Variants in IGFBP3 observed in about 807,000 individuals in gnomAD.
IGFBP3 encodes insulin-like growth factor-binding protein 3.
In IGFBP3, 9 loss-of-function variants were observed where a neutral mutation model predicts 28.6. The observed-to-expected ratio is 0.31, with a 90% CI of 0.19 to 0.55. IGFBP3 has a LOEUF of 0.55. Ranked by LOEUF, IGFBP3 falls within the 20% of genes least tolerant of loss-of-function variation. The probability of loss-of-function intolerance (pLI) is 0.93; values close to 1 mark genes in which losing one functional copy is unlikely to be tolerated. For synonymous variants in IGFBP3, 185 were observed against 188.2 expected (o/e 0.98, Z 0.14); for missense variants, 382 against 428.9 (o/e 0.89, Z 0.97).
At position 45,920,972 on chromosome 7, in the gene IGFBP3, C is replaced by T. The variant is rs1193935205; in HGVS notation, c.169G>A (p.Val57Met). The T allele has an allele frequency of 3.0e-6, 4 of 1,350,654 alleles. No individual in the cohort carries two copies. Among genetic ancestry groups the T allele is most frequent in the Admixed American group, 3.9e-5 (1 of 25,952 alleles). The allele number at this position is 1,350,654 out of a possible 1,614,324, so 83.7% of individuals were successfully genotyped here. Residue 57 changes from valine to methionine, a missense_variant, in exon 1 of 5, where the codon GTG becomes ATG. Transcript: ENST00000613132. ...ALAQCAPPPA[V>M]CAELVREPGC... The stretch of plus-strand genomic sequence containing the variant: ...GGCTCGCGCACCAGCTCCGCGCACA[C>T]GGCGGGCGGAGGCGCGCACTGGGCC...
At chr7:45,919,918 T>TCC (rs68045546) in intron 1 of IGFBP3, 4,744 of 145,452 alleles carry the variant, frequency 0.033, 105 homozygotes, top group African/African-American at 0.059. Context: ...AACATCTCAT[T>TCC]CCCCCCCCCA....
intron 1 of IGFBP3, among the ~76,000 whole-genome samples, chr7:45,918,760 C>T (rs1784646171): frequency 1.3e-5 from 2 of 152,204 alleles, no homozygotes; most frequent in Non-Finnish European, 2.9e-5. Flanking sequence ...GCAGGTCACT[C>T]ACCAGGGCCT....
intron 4 of IGFBP3, 125 bp downstream of exon 4, chr7:45,914,679 TG>T: frequency 1.1e-6 from 1 of 871,230 alleles, no homozygotes; most frequent in Non-Finnish European, 1.8e-6. Context: ...TTGCTCTTTC[TG>T]GCCCTGAGCT....
rs2116569789 is a variant in IGFBP3, at chr7:45,912,538, CA to C, written c.*1311del. On this transcript the variant is annotated 3_prime_UTR_variant, in exon 5 of 5. Transcript: ENST00000613132. ...CGTGTGTCCACACCGAGGTCTGCAG[CA>C]GGGCAGAGTCTCCCTGAGCCTGACT... is the stretch of plus-strand genomic sequence containing the variant. The C allele has an allele frequency of 6.6e-6, 1 of 152,582 alleles. No individual in the cohort carries two copies. The highest frequency in any genetic ancestry group is 2.1e-4 in the South Asian group (1 of 4,824). 9.5% of individuals were successfully genotyped at this position (152,582 alleles called of 1,614,324 possible).
rs1406526458 is a variant in IGFBP3, at chr7:45,920,745, T to C, written c.396A>G (p.Pro132=). ...RLRAYLLPAP[P]APGNASESEE... is the part of the protein sequence containing the mutation. ...CTGGCGCGGGCGGCTCACCTGGAGC[T>C]GGCGGCGCTGGCAGCAGGTAGGCGC... The change falls in exon 1 of 5, where the codon CCA becomes CCG. Residue 132 remains proline (P), a synonymous_variant. Transcript: ENST00000613132. 5.7e-6 allele frequency: 8 copies of C among 1,413,834 alleles called. No homozygotes were observed. Among genetic ancestry groups the C allele is most frequent in the Non-Finnish European group, 7.3e-6 (8 of 1,092,320 alleles). The allele number at this position is 1,413,834 out of a possible 1,614,324, so 87.6% of individuals were successfully genotyped here. A position where few individuals can be genotyped will look rare whatever the true frequency, so the allele number is the denominator to read the frequency against.
intron 1 of IGFBP3, among the ~76,000 whole-genome samples, chr7:45,918,526 C>T (rs1324565493): frequency 6.6e-6 from 1 of 152,174 alleles, no homozygotes; most frequent in East Asian, 1.9e-4. Context: ...CATTCAGAGC[C>T]CATGCTCCCA....
chr7:45,920,157 C>A (rs1040324595), intron 1 of IGFBP3: 1 of 152,222 alleles, frequency 6.6e-6, no homozygotes, highest in African/African-American at 2.4e-5. Flanking sequence ...TAAGAAGTTA[C>A]TTCTTTTTCA....
At position 45,921,003 on chromosome 7, in the gene IGFBP3, A is replaced by C. The variant is rs997305847; in HGVS notation, c.138T>G (p.Arg46=). Residue 46 remains arginine, a synonymous_variant, in exon 1 of 5, where the codon CGT becomes CGG. Coordinates refer to ENST00000613132, the MANE Select transcript of IGFBP3 (RefSeq NM_000598.5). ...PVVRCEPCDA[R]ALAQCAPPPA... ...GCGGAGGCGCGCACTGGGCCAGTGC[A>C]CGCGCGTCGCACGGCTCGCAGCGCA... The C allele has an allele frequency of 3.6e-6, 5 of 1,387,752 alleles. No individual in the cohort carries two copies. The highest frequency in any genetic ancestry group is 3.7e-6 in the Non-Finnish European group (4 of 1,079,990). The allele number at this position is 1,387,752 out of a possible 1,614,324, so 86.0% of individuals were successfully genotyped here.
rs1327124344 is a variant in IGFBP3, at chr7:45,921,196, A to AAG, written c.-57_-56insCT. The AAG allele has an allele frequency of 2.0e-6, 3 of 1,488,646 alleles. No homozygotes were observed. The African/African-American group carries it at 4.4e-5, about 22-fold the overall frequency. The allele number at this position is 1,488,646 out of a possible 1,614,324, so 92.2% of individuals were successfully genotyped here. A position where few individuals can be genotyped will look rare whatever the true frequency, so the allele number is the denominator to read the frequency against. On this transcript the variant is annotated 5_prime_UTR_variant, in exon 1 of 5. Transcript: ENST00000613132. ...AGGCTGGGCGCGCAGGGATGGGGCG[A>AAG]CAGTACACGGCGCGAAGCTGTGGAA...
intron 1 of IGFBP3, 31 bp downstream of exon 1, chr7:45,920,707 G>T (rs1187083967): frequency 7.3e-7 from 1 of 1,364,450 alleles, no homozygotes; most frequent in Admixed American, 4.0e-5. Context: ...GCCGGGTGCT[G>T]CACGCAGCGC....
At chr7:45,919,007 G>A (rs1196521687) in intron 1 of IGFBP3, among the ~76,000 whole-genome samples, 1 of 152,194 alleles carries the variant, frequency 6.6e-6, no homozygotes, top group Non-Finnish European at 1.5e-5. Flanking sequence ...TACTAAGAAT[G>A]TAAATACTCT....
At position 45,920,901 on chromosome 7, in the gene IGFBP3, C is replaced by T. The variant is rs1173284672; in HGVS notation, c.240G>A (p.Pro80=). ...CLTCALSEGQ[P]CGIYTERCGS... ...CACAGCGCTCGGTGTAGATGCCGCA[C>T]GGCTGGCCCTCGCTCAGTGCGCACG... is the stretch of plus-strand genomic sequence containing the variant. Residue 80 remains proline, a synonymous_variant, in exon 1 of 5, where the codon CCG becomes CCA. Coordinates refer to ENST00000613132, the MANE Select transcript of IGFBP3 (RefSeq NM_000598.5). The T allele has an allele frequency of 7.0e-7, 1 of 1,435,818 alleles. No individual in the cohort carries two copies. Among genetic ancestry groups the T allele is most frequent in the East Asian group, 3.1e-5 (1 of 32,434 alleles). 88.9% of individuals were successfully genotyped at this position (1,435,818 alleles called of 1,614,324 possible).
chr7:45,917,551 A>G, intron 1 of IGFBP3, 112 bp from the exon 2 acceptor site: 1 of 802,694 alleles, frequency 1.2e-6, no homozygotes, highest in South Asian at 1.9e-5. Flanking sequence ...ATTAGTTGGC[A>G]ATCCAAGTGA....
chr7:45,915,107 C>T (rs1038977529), intron 3 of IGFBP3, 162 bp from the exon 4 acceptor site: 40 of 730,114 alleles, frequency 5.5e-5, no homozygotes, highest in African/African-American at 1.9e-4. Flanking sequence ...TGCCTAGGCC[C>T]GCTGAGTGTG....
At position 45,921,230 on chromosome 7, in the gene IGFBP3, G is replaced by T; in HGVS notation, c.-90C>A. 2 of 1,414,772 alleles carry T rather than the reference G, an allele frequency of 1.4e-6. No individual in the cohort carries two copies. The highest frequency in any genetic ancestry group is 1.9e-6 in the Non-Finnish European group (2 of 1,049,400). 87.6% of individuals were successfully genotyped at this position (1,414,772 alleles called of 1,614,324 possible). A position where few individuals can be genotyped will look rare whatever the true frequency, so the allele number is the denominator to read the frequency against. ...GGCGCGAAGCTGTGGAATCCAGGCAGGAAGCGGCTGATCCTCAGCGCCCAG... is the reference window on the plus strand; with the variant it reads ...GGCGCGAAGCTGTGGAATCCAGGCATGAAGCGGCTGATCCTCAGCGCCCAG... On this transcript the variant is annotated 5_prime_UTR_variant, in exon 1 of 5. In the 5' UTR this introduces an upstream ATG that the reference lacks. Transcript: ENST00000613132.
At chr7:45,914,241 T>C (rs903241314) in intron 4 of IGFBP3, 2 of 152,206 alleles carry the variant, frequency 1.3e-5, no homozygotes, top group African/African-American at 4.8e-5. Flanking sequence ...GTTTAAAATT[T>C]CATTTTTCTA....
At chr7:45,917,179 G>C (rs1361382088) in intron 2 of IGFBP3, 34 bp downstream of exon 2, 1 of 1,539,276 alleles carries the variant, frequency 6.5e-7, no homozygotes, top group Admixed American at 1.7e-5. Flanking sequence ...GGCAGGTCTT[G>C]CCCTCCTCCT....
At chr7:45,914,640 A>G (rs997717741) in intron 4 of IGFBP3, 165 bp downstream of exon 4, 3 of 610,608 alleles carry the variant, frequency 4.9e-6, no homozygotes, top group South Asian at 2.0e-5. Flanking sequence ...CTCTCCCTGC[A>G]CCCTTCTGAG....
At chr7:45,916,518 G>A (rs774802271) in intron 3 of IGFBP3, 30 bp downstream of exon 3, 3 of 1,599,928 alleles carry the variant, frequency 1.9e-6, no homozygotes, top group Non-Finnish European at 2.6e-6. Context: ...CAACAGAAGA[G>A]GAAGAAAACA....
Sources: gnomAD v4.1 joint callset for allele counts (sites outside exome capture counted in the v4.1 genomes callset) on GRCh38, gnomAD v4.1.1 for gene constraint, MANE v1.5 for transcripts, NCBI Gene and HGNC (gene_info 2026-07-23, HGNC 2026-07-21) for gene names.